ZNF608: variants seen among roughly 807,000 people sequenced by gnomAD.
ZNF608 encodes renal carcinoma antigen NY-REN-36.
In ZNF608, 12 loss-of-function variants were observed where a neutral mutation model predicts 109.0. The ratio of observed to expected loss-of-function variants is 0.11; its 90% confidence interval spans 0.07 to 0.18. The LOEUF is 0.18. ZNF608 is among the 10% of genes least tolerant of loss of function. The probability of loss-of-function intolerance (pLI) is 1.00; values close to 1 mark genes in which losing one functional copy is unlikely to be tolerated. For missense variants in ZNF608, 1,707 were observed against 1,879.3 expected (o/e 0.91, Z 1.70); for synonymous variants, 732 against 717.4 (o/e 1.02, Z -0.33).
chr5:124,651,262 GC>G (rs1750760299), intron 3 of ZNF608, among the ~76,000 whole-genome samples: 2 of 152,052 alleles, frequency 1.3e-5, no homozygotes, highest in Non-Finnish European at 2.9e-5. Context: ...GTCAAAATCT[GC>G]ACAAGACAGA....
chr5:124,741,752 A>T (rs1487466557), intron 2 of ZNF608, among the ~76,000 whole-genome samples: 1 of 152,194 alleles, frequency 6.6e-6, no homozygotes. Flanking sequence ...GGTGGCATTC[A>T]TGCAAGGGAG....
intron 3 of ZNF608, among the ~76,000 whole-genome samples, chr5:124,651,861 G>A (rs943447508): frequency 2.5e-4 from 38 of 152,236 alleles, no homozygotes; most frequent in South Asian, 2.1e-4. Flanking sequence ...CCCACGGCGC[G>A]CTGGCCGTGC....
chr5:124,685,714 C>T (rs1355266828), intron 3 of ZNF608, among the ~76,000 whole-genome samples: 3 of 151,992 alleles, frequency 2.0e-5, no homozygotes, highest in South Asian at 2.1e-4. Flanking sequence ...ACTCAGTACG[C>T]GGCCAGCCCA....
chr5:124,738,604 G>A (rs181881402), intron 2 of ZNF608, among the ~76,000 whole-genome samples: 2 of 152,286 alleles, frequency 1.3e-5, no homozygotes, highest in Admixed American at 1.3e-4. Flanking sequence ...AAACTGCATT[G>A]AAACTCAATT....
rs34427769 is a variant in ZNF608, at chr5:124,745,179, A to AGG, written c.-183-9_-183-8dup. On this transcript the variant is annotated splice_region_variant and splice_polypyrimidine_tract_variant and intron_variant, in intron 1 of 9. Coordinates refer to ENST00000513986, the MANE Select transcript of ZNF608 (RefSeq NM_020747.3). The stretch of plus-strand genomic sequence containing the variant: ...AGTCCAGGTCCACCTTTTCCTGTGA[A>AGG]GGGGGGGGGAAAAGTCGAATATTTC... 5 of 1,377,106 alleles carry AGG rather than the reference A, an allele frequency of 3.6e-6. No individual in the cohort carries two copies. In the African/African-American group the frequency reaches 4.4e-5, roughly 12 times the overall value. 85.3% of individuals were successfully genotyped at this position (1,377,106 alleles called of 1,614,324 possible).
intron 3 of ZNF608, among the ~76,000 whole-genome samples, chr5:124,688,074 T>C (rs1752472535): frequency 6.6e-6 from 1 of 152,156 alleles, no homozygotes; most frequent in Non-Finnish European, 1.5e-5. Flanking sequence ...AAGAAAAATG[T>C]TTGCAGAGAC....
intron 3 of ZNF608, chr5:124,666,121 G>A (rs1362917932): frequency 6.6e-6 from 1 of 152,224 alleles, no homozygotes; most frequent in East Asian, 1.9e-4. Context: ...GCCTTTCAGG[G>A]AACGTAAATT....
At position 124,647,754 on chromosome 5, in the gene ZNF608, G is replaced by C; in HGVS notation, c.2630C>G (p.Ala877Gly). 1 of 1,614,048 alleles carries C rather than the reference G, an allele frequency of 6.2e-7. No individual in the cohort carries two copies. The highest frequency in any genetic ancestry group is 8.5e-7 in the Non-Finnish European group (1 of 1,179,936). ...GLSESQESRM[A>G]SIKAEADKVY... The stretch of plus-strand genomic sequence containing the variant: ...CTTATCGGCCTCAGCTTTGATACTG[G>C]CCATGCGGCTCTCCTGAGACTCCGA... Residue 877 changes from alanine (A) to glycine (G), a missense_variant, in exon 5 of 10, where the codon GCC becomes GGC. Ala to Gly is a moderately conservative substitution (Grantham distance 60). This residue lies in a region of ZNF608 where 1,073 missense variants were observed against 1,133.5 expected (regional missense o/e 0.95). Transcript: ENST00000513986.
intron 3 of ZNF608, among the ~76,000 whole-genome samples, chr5:124,665,489 G>C (rs929457948): frequency 6.6e-6 from 1 of 152,210 alleles, no homozygotes; most frequent in African/African-American, 2.4e-5. Flanking sequence ...GGTGAAAATT[G>C]TTCATCAGCT....
intron 3 of ZNF608, among the ~76,000 whole-genome samples, chr5:124,669,993 G>A (rs539773508): frequency 6.0e-4 from 92 of 152,334 alleles, no homozygotes; most frequent in African/African-American, 1.9e-3. Flanking sequence ...GGTGGGAGTA[G>A]GATATATTTG....
chr5:124,724,465 A>G (rs1323861038), intron 2 of ZNF608, among the ~76,000 whole-genome samples: 1 of 141,668 alleles, frequency 7.1e-6, no homozygotes, highest in African/African-American at 2.7e-5. Context: ...AGTAGGAGAC[A>G]TGGTCAAACC....
At chr5:124,707,547 G>A (rs1171115436) in intron 2 of ZNF608, among the ~76,000 whole-genome samples, 1 of 152,102 alleles carries the variant, frequency 6.6e-6, no homozygotes, top group Non-Finnish European at 1.5e-5. Context: ...AGAATGCTGG[G>A]GCACGATTAC....
intron 3 of ZNF608, among the ~76,000 whole-genome samples, chr5:124,699,986 TC>T (rs11289646): frequency 0.2 from 29,871 of 152,100 alleles, 2,957 homozygotes; most frequent in African/African-American, 0.22. Flanking sequence ...CTCAGACCCT[TC>T]TTGTTACCCT....
At chr5:124,738,211 C>T (rs6873622) in intron 2 of ZNF608, among the ~76,000 whole-genome samples, 1 of 152,062 alleles carries the variant, frequency 6.6e-6, no homozygotes, top group Non-Finnish European at 1.5e-5. Flanking sequence ...GTTCTCCATC[C>T]CTTTAATCTT....
intron 1 of ZNF608, chr5:124,745,970 A>C (rs986684581): frequency 5.2e-6 from 1 of 193,508 alleles, no homozygotes; most frequent in African/African-American, 2.4e-5. Context: ...AGAATTGCTC[A>C]CTCTCTTAAA....
At chr5:124,650,941 G>A (rs1253087861) in intron 3 of ZNF608, among the ~76,000 whole-genome samples, 1 of 152,130 alleles carries the variant, frequency 6.6e-6, no homozygotes, top group Non-Finnish European at 1.5e-5. Context: ...TTTAACAGCA[G>A]GTAAAATATT....
intron 3 of ZNF608, among the ~76,000 whole-genome samples, chr5:124,675,909 T>C (rs1471293148): frequency 1.3e-5 from 2 of 152,274 alleles, no homozygotes; most frequent in East Asian, 3.9e-4. Flanking sequence ...GTTTAGGAAG[T>C]AATAGGAGAG....
intron 2 of ZNF608, among the ~76,000 whole-genome samples, chr5:124,722,286 G>A (rs971772557): frequency 3.9e-5 from 6 of 152,102 alleles, no homozygotes; most frequent in African/African-American, 1.4e-4. Context: ...CTGCCTCCAT[G>A]GCAATTATCT....
At chr5:124,710,431 A>T in intron 2 of ZNF608, 1 of 364,932 alleles carries the variant, frequency 2.7e-6, no homozygotes, top group Non-Finnish European at 5.4e-6. Context: ...TGCCTGAGTC[A>T]CACTGTATGG....
Sources: gnomAD v4.1 joint callset for allele counts (sites outside exome capture counted in the v4.1 genomes callset) on GRCh38, gnomAD v4.1.1 for gene constraint, gnomAD v4.1.1 regional missense constraint, MANE v1.5 for transcripts, NCBI Gene and HGNC (gene_info 2026-07-23, HGNC 2026-07-21) for gene names.